Variants in BLTP3A observed in about 807,000 individuals in gnomAD.
The protein encoded by BLTP3A is ICBP90 binding protein 1.
At chr6:34,820,960 G>GT in the BLTP3A span, among the ~76,000 whole-genome samples, 8,812 of 134,156 alleles carry the variant, frequency 0.066, 459 homozygotes, top group East Asian at 0.33. Context: ...CCCTCTGTCT[G>GT]TTTTTTTTTT....
the BLTP3A span, among the ~76,000 whole-genome samples, chr6:34,842,166 G>T: frequency 6.6e-6 from 1 of 152,092 alleles, no homozygotes; most frequent in Admixed American, 6.6e-5. Context: ...AGCAGAGGAG[G>T]CATTGTTGTG....
At chr6:34,859,642 T>C in the BLTP3A span, 2 of 1,568,204 alleles carry the variant, frequency 1.3e-6, no homozygotes, top group Non-Finnish European at 1.7e-6. Flanking sequence ...GTTTAAGGCC[T>C]CTTACTATGT....
the BLTP3A span, chr6:34,821,476 T>G: frequency 1.6e-6 from 1 of 612,912 alleles, no homozygotes; most frequent in African/African-American, 1.8e-5. Context: ...TACAACTAAT[T>G]GATCACAACC....
At chr6:34,825,517 G>A in the BLTP3A span, among the ~76,000 whole-genome samples, 7 of 152,186 alleles carry the variant, frequency 4.6e-5, no homozygotes, top group Non-Finnish European at 2.9e-5. Context: ...ATGTTAGTCA[G>A]GCTGGTCTTG....
At chr6:34,839,918 A>T in the BLTP3A span, among the ~76,000 whole-genome samples, 33 of 152,258 alleles carry the variant, frequency 2.2e-4, 1 homozygote, top group Non-Finnish European at 1.5e-4. Context: ...GCGCCTGTAC[A>T]AGAGCTGTGC....
chr6:34,864,042 G>A, the BLTP3A span: 8 of 1,613,240 alleles, frequency 5.0e-6, no homozygotes, highest in African/African-American at 4.0e-5. Context: ...GGCAGCCCCA[G>A]TGAGTGGAGG....
At chr6:34,816,823 C>A in the BLTP3A span, among the ~76,000 whole-genome samples, 2 of 152,098 alleles carry the variant, frequency 1.3e-5, no homozygotes, top group Non-Finnish European at 2.9e-5. Flanking sequence ...CATGTAGTTG[C>A]AGTCTTCAAA....
the BLTP3A span, among the ~76,000 whole-genome samples, chr6:34,796,240 T>C: frequency 1.3e-5 from 2 of 152,214 alleles, no homozygotes; most frequent in African/African-American, 4.8e-5. Context: ...ATTATGCTTA[T>C]TTGGACATGA....
the BLTP3A span, among the ~76,000 whole-genome samples, chr6:34,844,400 G>T: frequency 6.6e-6 from 1 of 152,068 alleles, no homozygotes; most frequent in Non-Finnish European, 1.5e-5. Flanking sequence ...TCACCCTCCC[G>T]AGTAGCTGGG....
At chr6:34,809,405 T>G in the BLTP3A span, among the ~76,000 whole-genome samples, 8 of 151,914 alleles carry the variant, frequency 5.3e-5, no homozygotes, top group Admixed American at 4.6e-4. Flanking sequence ...AAACAAAAAC[T>G]TCAGATCAAT....
At chr6:34,841,646 C>T in the BLTP3A span, among the ~76,000 whole-genome samples, 1 of 152,188 alleles carries the variant, frequency 6.6e-6, no homozygotes, top group Admixed American at 6.5e-5. Flanking sequence ...GTTGGAACTG[C>T]TGACTAACAT....
At chr6:34,871,839 T>C in the BLTP3A span, 1 of 1,614,174 alleles carries the variant, frequency 6.2e-7, no homozygotes, top group Non-Finnish European at 8.5e-7. Context: ...GGACAAACCA[T>C]CAGCTGAAGT....
the BLTP3A span, among the ~76,000 whole-genome samples, chr6:34,827,624 G>A: frequency 7.9e-5 from 12 of 151,092 alleles, no homozygotes; most frequent in African/African-American, 2.7e-4. Context: ...TACTGTTTTT[G>A]TTTGTTTGTT....
chr6:34,797,509 G>A, the BLTP3A span, among the ~76,000 whole-genome samples: 3 of 152,170 alleles, frequency 2.0e-5, no homozygotes, highest in Non-Finnish European at 4.4e-5. Context: ...GGCTCAGAGA[G>A]GCTGTTACTT....
At chr6:34,859,548 G>C in the BLTP3A span, 14 of 1,613,866 alleles carry the variant, frequency 8.7e-6, no homozygotes, top group African/African-American at 4.0e-5. Context: ...CCATGCACAA[G>C]ATGTTGTCCC....
the BLTP3A span, among the ~76,000 whole-genome samples, chr6:34,812,189 A>G: frequency 6.6e-6 from 1 of 151,874 alleles, no homozygotes; most frequent in Non-Finnish European, 1.5e-5. Flanking sequence ...TTAGCCAGGC[A>G]TGGTGGCGGG....
At chr6:34,794,594 C>T in the BLTP3A span, among the ~76,000 whole-genome samples, 1 of 152,160 alleles carries the variant, frequency 6.6e-6, no homozygotes, top group Non-Finnish European at 1.5e-5. Context: ...CTCAAGGCAT[C>T]TTGGAACTAG....
At chr6:34,807,939 G>A in the BLTP3A span, among the ~76,000 whole-genome samples, 1 of 152,148 alleles carries the variant, frequency 6.6e-6, no homozygotes, top group Non-Finnish European at 1.5e-5. Context: ...TACTCAGGAA[G>A]CTGAGGTAGG....
At chr6:34,823,380 A>G in the BLTP3A span, 4 of 1,558,472 alleles carry the variant, frequency 2.6e-6, no homozygotes, top group Admixed American at 1.7e-5. Flanking sequence ...TATTTCCAAC[A>G]TATTAATTGC....
Sources: gnomAD v4.1 joint callset for allele counts (sites outside exome capture counted in the v4.1 genomes callset) on GRCh38, gnomAD v4.1.1 for gene constraint, MANE v1.5 for transcripts, NCBI Gene and HGNC (gene_info 2026-07-23, HGNC 2026-07-21) for gene names.